NLGN4X: variants seen among roughly 807,000 people sequenced by gnomAD.
NLGN4X encodes neuroligin 4 X-linked.
Under a neutral mutation model 40.3 loss-of-function variants are expected in NLGN4X, and 3 were observed. The observed-to-expected ratio is 0.07, with a 90% CI of 0.03 to 0.19. NLGN4X has a LOEUF of 0.19. NLGN4X is among the 10% of genes least tolerant of loss of function. NLGN4X has a pLI of 1.00. For synonymous variants in NLGN4X, 270 were observed against 306.8 expected, an observed-to-expected ratio of 0.88 and a Z score of 1.25; for missense variants, 382 against 708.3, an observed-to-expected ratio of 0.54 and a Z score of 5.23.
At chrX:5,974,888 T>C (rs1037782748) in intron 3 of NLGN4X, among the ~76,000 whole-genome samples, 1 of 112,138 alleles carries the variant, frequency 8.9e-6, no homozygotes, top group Non-Finnish European at 1.9e-5. Flanking sequence ...TCTTGCACTT[T>C]GGGGCCATTG....
intron 2 of NLGN4X, among the ~76,000 whole-genome samples, chrX:6,142,639 G>A (rs773302011): frequency 1.8e-5 from 2 of 112,100 alleles, no homozygotes; most frequent in South Asian, 3.7e-4. Context: ...GACTGTATGC[G>A]TACAATTGGA....
rs1215396694 is a variant in NLGN4X at position 6,042,730 on chromosome X, T to TATATATATATACACAC, written c.473-13299_473-13298insGTGTGTATATATATAT. On this transcript the variant is annotated intron_variant, in intron 2 of 5. Coordinates refer to ENST00000381095, the MANE Select transcript of NLGN4X (RefSeq NM_181332.3). ...ATATATATATATATATATATATATA[T>TATATATATATACACAC]ACACACACACGTACACATATCTATA... Among the ~76,000 whole-genome samples the TATATATATATACACAC allele has an allele frequency of 2.8e-3, 56 of 20,140 alleles. 1 individual carries two copies. Among genetic ancestry groups the TATATATATATACACAC allele is most frequent in the Non-Finnish European group, 3.2e-3 (35 of 11,013 alleles). The allele number at this position is 20,140 out of a possible 115,157, so 17.5% of individuals were successfully genotyped here. A position where few individuals can be genotyped will look rare whatever the true frequency, so the allele number is the denominator to read the frequency against.
At chrX:6,081,022 T>C (rs5916288) in intron 2 of NLGN4X, among the ~76,000 whole-genome samples, 50,946 of 107,329 alleles carry the variant, frequency 0.47, 9,080 homozygotes, top group Admixed American at 0.51. Context: ...AGCGCAGTGA[T>C]TCGCACCTGT....
At chrX:5,996,494 GCT>G (rs201951054) in intron 3 of NLGN4X, among the ~76,000 whole-genome samples, 5,916 of 112,084 alleles carry the variant, frequency 0.053, 371 homozygotes, top group African/African-American at 0.18. Context: ...GCCCCTTGAA[GCT>G]CTGTCAGAGG....
At chrX:6,183,093 A>C (rs1334793222) in intron 1 of NLGN4X, among the ~76,000 whole-genome samples, 2 of 112,395 alleles carry the variant, frequency 1.8e-5, no homozygotes, top group African/African-American at 6.5e-5. Context: ...AGAAGACATC[A>C]GAAAGAAATC....
intron 2 of NLGN4X, among the ~76,000 whole-genome samples, chrX:6,133,131 CCAT>C (rs58802491): frequency 0.13 from 13,462 of 106,089 alleles, 648 homozygotes; most frequent in Admixed American, 0.17. Flanking sequence ...ACCATCATCA[CCAT>C]CGTCATCACG....
intron 2 of NLGN4X, among the ~76,000 whole-genome samples, chrX:6,055,920 T>C (rs1433878573): frequency 1.8e-5 from 2 of 111,918 alleles, no homozygotes; most frequent in African/African-American, 6.5e-5. Flanking sequence ...GTCCAAGATG[T>C]TGGCAATTTC....
rs199869725 is a variant in NLGN4X, at chrX:6,155,632, CTT to C, written c.-305-3863_-305-3862del. ...TCCATCCAACACCAGCAATCTGCCA[CTT>C]TGTCTATTTTTGTACATGTAGATAT... On this transcript the variant is annotated intron_variant, in intron 1 of 5. Coordinates refer to ENST00000381095, the MANE Select transcript of NLGN4X (RefSeq NM_181332.3). Among the ~76,000 whole-genome samples, 1,024 of 112,276 alleles carry C rather than the reference CTT, an allele frequency of 9.1e-3. 8 individuals are homozygous for C. Among genetic ancestry groups the C allele is most frequent in the African/African-American group, 0.032 (982 of 30,891 alleles).
At chrX:5,935,313 T>C (rs2033697552) in intron 3 of NLGN4X, among the ~76,000 whole-genome samples, 1 of 112,284 alleles carries the variant, frequency 8.9e-6, no homozygotes, top group Non-Finnish European at 1.9e-5. Flanking sequence ...AGGAAAGAAA[T>C]AAACATTTCT....
chrX:6,225,975 C>T (rs1340809987), intron 1 of NLGN4X, among the ~76,000 whole-genome samples: 1 of 106,152 alleles, frequency 9.4e-6, no homozygotes, highest in Non-Finnish European at 1.9e-5. Context: ...GGATCCAGCT[C>T]GCAAGAACAT....
chrX:5,940,951 C>CA (rs1243266726), intron 3 of NLGN4X, among the ~76,000 whole-genome samples: 43 of 102,857 alleles, frequency 4.2e-4, no homozygotes, highest in East Asian at 3.3e-3. Flanking sequence ...CTTGTCTCCA[C>CA]AAAAAAAAAA....
At chrX:6,096,078 G>A (rs1602222699) in intron 2 of NLGN4X, among the ~76,000 whole-genome samples, 1 of 111,985 alleles carries the variant, frequency 8.9e-6, no homozygotes. Context: ...ACAAAATCCA[G>A]AACTGCGTTA....
intron 1 of NLGN4X, among the ~76,000 whole-genome samples, chrX:6,222,449 T>C (rs1348951501): frequency 8.9e-6 from 1 of 112,013 alleles, no homozygotes; most frequent in Non-Finnish European, 1.9e-5. Context: ...ATATACATTT[T>C]AAATAAAACA....
At chrX:6,225,675 TTCTTTCTTTTTTTC>T in intron 1 of NLGN4X, among the ~76,000 whole-genome samples, 1 of 86,651 alleles carries the variant, frequency 1.2e-5, no homozygotes, top group Non-Finnish European at 2.3e-5. Flanking sequence ...TTCCTTTTTT[TTCTTTCTTTTTTTC>T]TTTTTTTTTT....
intron 2 of NLGN4X, among the ~76,000 whole-genome samples, chrX:6,096,946 C>CGTGTGT (rs35895741): frequency 1.7e-4 from 17 of 100,589 alleles, no homozygotes; most frequent in African/African-American, 5.1e-4. Flanking sequence ...ATTTTCATAT[C>CGTGTGT]GTGTGTGTGT....
chrX:6,226,993 C>T, intron 1 of NLGN4X: 1 of 115,765 alleles, frequency 8.6e-6, no homozygotes, highest in Non-Finnish European at 1.8e-5. Flanking sequence ...TCTCTCTCTG[C>T]GTGGTCTCGA....
At chrX:6,147,282 A>G (rs1282381196) in intron 2 of NLGN4X, among the ~76,000 whole-genome samples, 2 of 111,787 alleles carry the variant, frequency 1.8e-5, no homozygotes, top group African/African-American at 6.5e-5. Context: ...CCATTTCCCA[A>G]GGCAATCTGG....
At chrX:6,111,028 AACCCTAAAAG>A (rs2039136848) in intron 2 of NLGN4X, among the ~76,000 whole-genome samples, 2 of 111,611 alleles carry the variant, frequency 1.8e-5, no homozygotes, top group African/African-American at 6.5e-5. Flanking sequence ...CCCGAACCCT[AACCCTAAAAG>A]ACCATGATGC....
intron 1 of NLGN4X, among the ~76,000 whole-genome samples, chrX:6,179,840 C>T (rs1921234827): frequency 8.9e-6 from 1 of 111,733 alleles, no homozygotes; most frequent in South Asian, 3.8e-4. Flanking sequence ...GAGAAGCAGG[C>T]GGCCTATTCA....
Sources: allele counts gnomAD v4.1 joint callset (sites outside exome capture counted in the v4.1 genomes callset), GRCh38; gene constraint gnomAD v4.1.1; transcripts MANE v1.5; gene names NCBI Gene and HGNC (gene_info 2026-07-23, HGNC 2026-07-21).